Variants in GRK3 observed in about 807,000 individuals in gnomAD.
GRK3 encodes the protein adrenergic, beta, receptor kinase 2.
A neutral mutation model predicts 95.7 loss-of-function variants in GRK3; 54 were observed. That is an observed-to-expected ratio of 0.56 (90% confidence interval 0.45 to 0.71). The LOEUF (loss-of-function observed/expected upper bound fraction) is 0.71. Ranked by LOEUF, GRK3 falls within the 30% of genes least tolerant of loss-of-function variation. GRK3 has a pLI of 0.00. For synonymous variants in GRK3, 281 were observed against 290.8 expected, an observed-to-expected ratio of 0.97 and a Z score of 0.34; for missense variants, 649 against 851.2, an observed-to-expected ratio of 0.76 and a Z score of 2.96.
intron 1 of GRK3, among the ~76,000 whole-genome samples, chr22:25,602,280 C>G (rs1160060321): frequency 6.6e-6 from 1 of 152,182 alleles, no homozygotes; most frequent in Admixed American, 6.5e-5. Context: ...AATACTACTA[C>G]ACACCCAACA....
At chr22:25,663,586 G>T in intron 4 of GRK3, 44 bp from the exon 5 acceptor site, 1 of 1,291,816 alleles carries the variant, frequency 7.7e-7, no homozygotes, top group Non-Finnish European at 1.1e-6. Context: ...TACACAGATT[G>T]GTTACATTTT....
intron 8 of GRK3, among the ~76,000 whole-genome samples, chr22:25,677,402 GAAAAGGAAAAA>G (rs796983855): frequency 1.5e-3 from 174 of 113,978 alleles, no homozygotes; most frequent in Middle Eastern, 5.4e-3. Flanking sequence ...AAAAAAAAAA[GAAAAGGAAAAA>G]AAAAGAAAAG....
intron 13 of GRK3, among the ~76,000 whole-genome samples, chr22:25,701,248 C>T (rs1393797745): frequency 6.6e-6 from 1 of 152,236 alleles, no homozygotes; most frequent in Non-Finnish European, 1.5e-5. Context: ...TGCGATCACA[C>T]AGGATCTGTG....
chr22:25,594,243 G>A (rs916304548), intron 1 of GRK3, among the ~76,000 whole-genome samples: 15 of 152,234 alleles, frequency 9.9e-5, no homozygotes, highest in South Asian at 4.1e-4. Flanking sequence ...AGCATGGAAC[G>A]TTCTTCCATT....
chr22:25,710,787 A>G (rs1198169769), intron 16 of GRK3, among the ~76,000 whole-genome samples: 1 of 152,238 alleles, frequency 6.6e-6, no homozygotes, highest in Admixed American at 6.5e-5. Context: ...CTGGACGGAT[A>G]TGCAGTCCTG....
At chr22:25,712,300 G>A (rs1388729237) in intron 17 of GRK3, among the ~76,000 whole-genome samples, 1 of 152,232 alleles carries the variant, frequency 6.6e-6, no homozygotes, top group African/African-American at 2.4e-5. Context: ...GCAGTGGCTG[G>A]GGTCAGCATT....
chr22:25,606,439 C>G (rs2084449041), intron 2 of GRK3, among the ~76,000 whole-genome samples: 1 of 152,190 alleles, frequency 6.6e-6, no homozygotes, highest in African/African-American at 2.4e-5. Context: ...GTCTCACTTT[C>G]TGCCTGGTCT....
intron 17 of GRK3, among the ~76,000 whole-genome samples, chr22:25,713,773 C>T (rs2085361998): frequency 6.6e-6 from 1 of 152,180 alleles, no homozygotes; most frequent in Non-Finnish European, 1.5e-5. Flanking sequence ...AAAAATGCTA[C>T]CATTAAGTAT....
chr22:25,575,612 GTAGA>G (rs1401924871), intron 1 of GRK3, among the ~76,000 whole-genome samples: 1 of 152,066 alleles, frequency 6.6e-6, no homozygotes, highest in African/African-American at 2.4e-5. Context: ...AAACCCCATG[GTAGA>G]TAGTCATTTA....
At chr22:25,565,718 A>G (rs1410566949) in intron 1 of GRK3, among the ~76,000 whole-genome samples, 3 of 152,126 alleles carry the variant, frequency 2.0e-5, no homozygotes, top group African/African-American at 4.8e-5. Context: ...CTTGAAGTCT[A>G]TTAAGTCTAG....
intron 12 of GRK3, among the ~76,000 whole-genome samples, chr22:25,693,239 A>C (rs887077224): frequency 7.2e-5 from 11 of 152,348 alleles, no homozygotes; most frequent in Non-Finnish European, 1.6e-4. Flanking sequence ...GATCTTTAGC[A>C]GAATGCGTCA....
chr22:25,698,809 A>C (rs1431818009), intron 13 of GRK3, among the ~76,000 whole-genome samples: 2 of 152,146 alleles, frequency 1.3e-5, no homozygotes, highest in African/African-American at 4.8e-5. Flanking sequence ...AAAGGCAGTG[A>C]GTTTGCGCAG....
intron 1 of GRK3, among the ~76,000 whole-genome samples, chr22:25,594,997 A>G (rs2084362733): frequency 6.6e-6 from 1 of 152,170 alleles, no homozygotes; most frequent in African/African-American, 2.4e-5. Context: ...TCCTGAACAA[A>G]CTAGATATTG....
chr22:25,639,727 T>C (rs1333995011), intron 2 of GRK3, among the ~76,000 whole-genome samples: 1 of 152,168 alleles, frequency 6.6e-6, no homozygotes, highest in Admixed American at 6.5e-5. Flanking sequence ...ATGATTGTAA[T>C]TGCACTGAAT....
rs113920886 is a variant in GRK3 at position 25,698,414 on chromosome 22, A to C, written c.1160+3200A>C. Among the ~76,000 whole-genome samples, 734 of 152,304 alleles carry C rather than the reference A, an allele frequency of 4.8e-3. 7 individuals carry two copies. Among genetic ancestry groups the C allele is most frequent in the African/African-American group, 0.017 (710 of 41,558 alleles). Reference sequence around the variant, plus strand: ...GCTGAGCTGTGCTAACTTTGACAGTAGCGATGTGCTGCGAGCACAGACATG... The same window carrying C: ...GCTGAGCTGTGCTAACTTTGACAGTCGCGATGTGCTGCGAGCACAGACATG... On this transcript the variant is annotated intron_variant, in intron 13 of 20. Transcript: ENST00000324198.
intron 15 of GRK3, among the ~76,000 whole-genome samples, chr22:25,707,261 A>G (rs139687151): frequency 1.2e-3 from 185 of 152,346 alleles, no homozygotes; most frequent in African/African-American, 4.3e-3. Context: ...GCTTGGATAT[A>G]TGCAAGTAAA....
intron 1 of GRK3, among the ~76,000 whole-genome samples, chr22:25,574,606 T>G (rs901460461): frequency 2.6e-5 from 4 of 152,214 alleles, no homozygotes; most frequent in African/African-American, 4.8e-5. Context: ...CGTGATGGTA[T>G]TTTGGAAACA....
At chr22:25,566,545 G>A (rs1931493833) in intron 1 of GRK3, among the ~76,000 whole-genome samples, 1 of 152,142 alleles carries the variant, frequency 6.6e-6, no homozygotes, top group Non-Finnish European at 1.5e-5. Context: ...TGCAGGATGT[G>A]CTACTCTTTG....
chr22:25,578,351 A>G (rs1398578880), intron 1 of GRK3, among the ~76,000 whole-genome samples: 1 of 152,234 alleles, frequency 6.6e-6, no homozygotes, highest in Non-Finnish European at 1.5e-5. Context: ...CTCTGAGGCC[A>G]GAAGAAGGGG....
Sources: gnomAD v4.1 joint callset for allele counts (sites outside exome capture counted in the v4.1 genomes callset) on GRCh38, gnomAD v4.1.1 for gene constraint, MANE v1.5 for transcripts, NCBI Gene and HGNC (gene_info 2026-07-23, HGNC 2026-07-21) for gene names.